CCDC192: variants seen among roughly 807,000 people sequenced by gnomAD.
CCDC192 encodes the protein coiled-coil domain-containing protein 192.
chr5:127,884,116 G>A (rs1373619342), intron 6 of CCDC192, among the ~76,000 whole-genome samples: 1 of 151,998 alleles, frequency 6.6e-6, no homozygotes, highest in Non-Finnish European at 1.5e-5. Flanking sequence ...GGCTGAGGCA[G>A]GAGGATCACA....
intron 5 of CCDC192, among the ~76,000 whole-genome samples, chr5:127,814,170 G>A (rs1366203687): frequency 4.6e-5 from 7 of 152,162 alleles, no homozygotes; most frequent in South Asian, 2.1e-4. Context: ...GAATGCAGAC[G>A]GCAGTAAGGG....
chr5:127,885,978 A>G (rs752076839), intron 6 of CCDC192, among the ~76,000 whole-genome samples: 1 of 152,208 alleles, frequency 6.6e-6, no homozygotes, highest in Non-Finnish European at 1.5e-5. Context: ...TGTAAGAGGA[A>G]CAGCATTCAT....
At chr5:127,798,059 A>G in intron 4 of CCDC192, 47 bp from the exon 5 acceptor site, 1 of 397,670 alleles carries the variant, frequency 2.5e-6, no homozygotes, top group Non-Finnish European at 4.4e-6. Flanking sequence ...TTGAGTATGT[A>G]AAAGAAAGAG....
At position 127,719,544 on chromosome 5, in the gene CCDC192, T is replaced by TACACACACACACACACACAC. The variant is rs1561445014; in HGVS notation, c.114+11785_114+11786insCACACACACACACACACACA. On this transcript the variant is annotated intron_variant, in intron 2 of 6. Coordinates refer to ENST00000514853, the MANE Select transcript of CCDC192 (RefSeq NM_001317938.2). ...ATATATACACACATACATATATATA[T>TACACACACACACACACACAC]ATATATATATATATACACACATACA... 2.2e-3 allele frequency among the ~76,000 whole-genome samples: 75 copies of TACACACACACACACACACAC among 34,014 alleles called. 2 individuals carry two copies. The East Asian group carries it at 0.074, about 34-fold the overall frequency. 22.3% of individuals were successfully genotyped at this position (34,014 alleles called of 152,430 possible).
intron 2 of CCDC192, among the ~76,000 whole-genome samples, chr5:127,717,284 T>C (rs1751677124): frequency 6.6e-6 from 1 of 152,206 alleles, no homozygotes; most frequent in African/African-American, 2.4e-5. Context: ...TCTTTATTTC[T>C]AGATTCTTCT....
rs1754398921 is a variant in CCDC192, at chr5:127,941,336, G to A, written c.690G>A (p.Lys230=). The A allele has an allele frequency of 2.5e-6, 1 of 399,100 alleles. No individual in the cohort carries two copies. The highest frequency in any genetic ancestry group is 3.6e-5 in the East Asian group (1 of 28,078). The allele number at this position is 399,100 out of a possible 1,614,324, so 24.7% of individuals were successfully genotyped here. The change falls in exon 7 of 7, where the codon AAG becomes AAA. Residue 230 remains lysine, a synonymous_variant. Coordinates refer to ENST00000514853, the MANE Select transcript of CCDC192 (RefSeq NM_001317938.2). ...LKEVLEEKER[K]IQQLEAERSP... ...AAGTTTTGGAGGAAAAGGAAAGGAA[G>A]ATTCAGCAGCTGGAAGCTGAGCGGA... is the stretch of plus-strand genomic sequence containing the variant.
At chr5:127,841,014 A>G (rs769282144) in intron 5 of CCDC192, among the ~76,000 whole-genome samples, 4 of 152,220 alleles carry the variant, frequency 2.6e-5, no homozygotes, top group African/African-American at 7.2e-5. Context: ...CAGGTTTTGT[A>G]TAGAACAAAT....
chr5:127,736,367 C>T (rs1486852777), intron 2 of CCDC192, among the ~76,000 whole-genome samples: 3 of 149,532 alleles, frequency 2.0e-5, no homozygotes, highest in Admixed American at 6.7e-5. Flanking sequence ...CAATGTTCAT[C>T]AAGGATATTG....
intron 6 of CCDC192, among the ~76,000 whole-genome samples, chr5:127,919,625 C>G (rs6899086): frequency 0.091 from 13,917 of 152,134 alleles, 2,091 homozygotes; most frequent in African/African-American, 0.31. Context: ...CCTCAGAGCA[C>G]GGCATTGTTC....
At chr5:127,792,628 C>T (rs1412861533) in intron 3 of CCDC192, among the ~76,000 whole-genome samples, 2 of 151,400 alleles carry the variant, frequency 1.3e-5, no homozygotes, top group African/African-American at 2.4e-5. Flanking sequence ...ATGGCTCGAG[C>T]CCAGTAGATA....
intron 2 of CCDC192, among the ~76,000 whole-genome samples, chr5:127,719,450 T>TATACAGAC: frequency 9.1e-6 from 1 of 110,450 alleles, no homozygotes; most frequent in East Asian, 2.8e-4. Flanking sequence ...TACATATATA[T>TATACAGAC]ACATACATAT....
At chr5:127,823,795 T>C (rs907442451) in intron 5 of CCDC192, among the ~76,000 whole-genome samples, 1 of 152,248 alleles carries the variant, frequency 6.6e-6, no homozygotes, top group African/African-American at 2.4e-5. Context: ...TACAATCGTG[T>C]TTCAGAAGTG....
At chr5:127,818,558 G>C (rs1749136857) in intron 5 of CCDC192, among the ~76,000 whole-genome samples, 1 of 152,172 alleles carries the variant, frequency 6.6e-6, no homozygotes, top group South Asian at 2.1e-4. Flanking sequence ...AGGTCTTATA[G>C]CACATTATGA....
intron 2 of CCDC192, among the ~76,000 whole-genome samples, chr5:127,753,045 A>G (rs1754321160): frequency 1.3e-5 from 2 of 152,170 alleles, no homozygotes. Context: ...CCGGTACCTC[A>G]GATGGAAATG....
chr5:127,710,685 A>G (rs936424077), intron 2 of CCDC192, among the ~76,000 whole-genome samples: 6 of 152,202 alleles, frequency 3.9e-5, no homozygotes, highest in African/African-American at 1.2e-4. Flanking sequence ...CTGAATCCGT[A>G]GAGCAGCCCA....
intron 2 of CCDC192, among the ~76,000 whole-genome samples, chr5:127,742,368 G>T (rs563705861): frequency 2.6e-4 from 39 of 152,170 alleles, no homozygotes; most frequent in African/African-American, 8.4e-4. Flanking sequence ...CTATAGAAAT[G>T]GACAAGTAGT....
intron 6 of CCDC192, among the ~76,000 whole-genome samples, chr5:127,921,612 G>T (rs1185045486): frequency 6.6e-6 from 1 of 152,122 alleles, no homozygotes; most frequent in Non-Finnish European, 1.5e-5. Context: ...GTAGAGTCAG[G>T]GAAGTCTTTC....
At chr5:127,786,562 G>A (rs1254111834) in intron 3 of CCDC192, 2 of 685,072 alleles carry the variant, frequency 2.9e-6, no homozygotes, top group East Asian at 5.1e-5. Flanking sequence ...AGTCACCAAT[G>A]CAAGGGAATA....
chr5:127,846,625 A>G (rs2043366944), intron 5 of CCDC192, among the ~76,000 whole-genome samples: 1 of 151,452 alleles, frequency 6.6e-6, no homozygotes, highest in Non-Finnish European at 1.5e-5. Flanking sequence ...GCTCACCACC[A>G]CGCCCGGTTA....
Sources: gnomAD v4.1 joint callset for allele counts (sites outside exome capture counted in the v4.1 genomes callset) on GRCh38, gnomAD v4.1.1 for gene constraint, MANE v1.5 for transcripts, NCBI Gene and HGNC (gene_info 2026-07-23, HGNC 2026-07-21) for gene names.